The following LOXL2 variants were observed in gnomAD, a reference collection of about 807,000 sequenced individuals.
LOXL2 encodes lysyl oxidase like 2.
In LOXL2, 70 loss-of-function variants were observed where a neutral mutation model predicts 93.0. The ratio of observed to expected loss-of-function variants is 0.75; its 90% CI spans 0.62 to 0.92. LOXL2 has a LOEUF of 0.92. Among genes scored for constraint, LOXL2 ranks in the 40% least tolerant of loss-of-function variants. LOXL2 has a pLI of 0.00. For synonymous variants in LOXL2, 438 were observed against 413.2 expected (o/e 1.06, Z -0.73); for missense variants, 973 against 1,054.9 (o/e 0.92, Z 1.08).
intron 10 of LOXL2, 91 bp downstream of exon 10, chr8:23,309,577 C>T: frequency 7.6e-7 from 1 of 1,312,802 alleles, no homozygotes; most frequent in East Asian, 3.1e-5. Context: ...CCTCTTGGCT[C>T]TAAGTGACCC....
intron 3 of LOXL2, among the ~76,000 whole-genome samples, chr8:23,345,244 G>C (rs1249889090): frequency 6.6e-6 from 1 of 152,210 alleles, no homozygotes; most frequent in Non-Finnish European, 1.5e-5. Flanking sequence ...CGTGCTCCAG[G>C]CTCATAATGA....
chr8:23,374,080 C>T (rs1283569268), intron 1 of LOXL2, among the ~76,000 whole-genome samples: 1 of 150,152 alleles, frequency 6.7e-6, no homozygotes, highest in Non-Finnish European at 1.5e-5. Context: ...GGTATATCTC[C>T]TAATGCTTTC....
intron 1 of LOXL2, 25 bp from the exon 2 acceptor site, chr8:23,368,459 G>T: frequency 1.1e-6 from 1 of 891,068 alleles, no homozygotes; most frequent in Non-Finnish European, 1.8e-6. Flanking sequence ...AGATGCGTTA[G>T]GATGGGAACG....
At position 23,302,185 on chromosome 8, in the gene LOXL2, G is replaced by T. The variant is rs754750347; in HGVS notation, c.1997-22C>A. 4 of 1,612,286 alleles carry T rather than the reference G, an allele frequency of 2.5e-6. No individual in the cohort carries two copies. In the South Asian group the frequency reaches 4.4e-5, roughly 18 times the overall value. ...ATGTCTGCGGGCAGGGTAGAGGAGA[G>T]CTCATCACCAGGGAACCATGGCCCC... On this transcript the variant is annotated intron_variant, in intron 11 of 13. Coordinates refer to ENST00000389131, the MANE Select transcript of LOXL2 (RefSeq NM_002318.3).
intron 1 of LOXL2, among the ~76,000 whole-genome samples, chr8:23,375,086 A>G (rs1449194328): frequency 2.0e-5 from 3 of 152,250 alleles, no homozygotes; most frequent in South Asian, 2.1e-4. Context: ...TAGGTCTAAC[A>G]TTTAAGTCTT....
intron 1 of LOXL2, among the ~76,000 whole-genome samples, chr8:23,401,656 TGTA>T (rs1177130185): frequency 6.6e-6 from 1 of 152,208 alleles, no homozygotes; most frequent in East Asian, 1.9e-4. Flanking sequence ...AAATAAACAA[TGTA>T]GTGTTTTCTG....
intron 6 of LOXL2, 83 bp downstream of exon 6, chr8:23,328,299 G>C: frequency 6.9e-7 from 1 of 1,457,300 alleles, no homozygotes; most frequent in African/African-American, 1.4e-5. Flanking sequence ...GATTTCCCGA[G>C]AGCTCACGGC....
intron 7 of LOXL2, among the ~76,000 whole-genome samples, chr8:23,321,337 G>A (rs1388563190): frequency 6.6e-6 from 1 of 152,324 alleles, no homozygotes; most frequent in African/African-American, 2.4e-5. Context: ...TGACTGTTCT[G>A]GAAGGAATCT....
intron 1 of LOXL2, among the ~76,000 whole-genome samples, chr8:23,383,075 G>A (rs938907386): frequency 9.2e-5 from 14 of 152,068 alleles, no homozygotes; most frequent in African/African-American, 1.4e-4. Context: ...AAACAAACTC[G>A]ACCCTATAAG....
At chr8:23,350,590 G>T (rs551083160) in intron 3 of LOXL2, among the ~76,000 whole-genome samples, 22 of 152,236 alleles carry the variant, frequency 1.4e-4, no homozygotes, top group South Asian at 4.1e-4. Context: ...TAAGCTGCTG[G>T]TAACATTCTT....
chr8:23,334,225 G>A (rs1803752701), intron 4 of LOXL2, among the ~76,000 whole-genome samples: 1 of 152,186 alleles, frequency 6.6e-6, no homozygotes, highest in Admixed American at 6.5e-5. Context: ...TTTTAGTAGA[G>A]ACGGGGTTTC....
At chr8:23,360,000 C>T (rs570946399) in intron 3 of LOXL2, 90 bp downstream of exon 3, 13 of 1,251,860 alleles carry the variant, frequency 1.0e-5, no homozygotes, top group Non-Finnish European at 1.5e-5. Context: ...CCTGCTCACA[C>T]ACACTTCTTG....
intron 4 of LOXL2, among the ~76,000 whole-genome samples, chr8:23,337,902 C>A (rs547723028): frequency 5.9e-5 from 9 of 152,174 alleles, no homozygotes; most frequent in Admixed American, 5.9e-4. Context: ...GCTGCAGAGA[C>A]CTCTGGGGTA....
intron 10 of LOXL2, among the ~76,000 whole-genome samples, chr8:23,305,642 C>A (rs76122729): frequency 0.016 from 2,475 of 152,040 alleles, 67 homozygotes; most frequent in African/African-American, 0.057. Flanking sequence ...GACCCTTGGG[C>A]ATCTAGGAGG....
chr8:23,403,438 A>G (rs1800177357), intron 1 of LOXL2, among the ~76,000 whole-genome samples: 1 of 151,752 alleles, frequency 6.6e-6, no homozygotes, highest in African/African-American at 2.4e-5. Flanking sequence ...TGGACGCTAC[A>G]GCTCCCGGGC....
intron 1 of LOXL2, among the ~76,000 whole-genome samples, chr8:23,373,256 C>T (rs1213546514): frequency 1.3e-5 from 2 of 152,168 alleles, no homozygotes; most frequent in Non-Finnish European, 2.9e-5. Context: ...TGGAGTTCGC[C>T]TACAAGGTAT....
At chr8:23,350,713 G>A (rs959782778) in intron 3 of LOXL2, among the ~76,000 whole-genome samples, 6 of 152,216 alleles carry the variant, frequency 3.9e-5, no homozygotes, top group Non-Finnish European at 8.8e-5. Flanking sequence ...CTGAGGTCAT[G>A]CTGACACCCC....
intron 9 of LOXL2, among the ~76,000 whole-genome samples, chr8:23,314,999 GC>G (rs1803371913): frequency 1.3e-5 from 2 of 152,154 alleles, no homozygotes; most frequent in Non-Finnish European, 2.9e-5. Context: ...CCCCGTGCGA[GC>G]CCCTGGTCAC....
At chr8:23,375,871 A>G (rs1804579171) in intron 1 of LOXL2, among the ~76,000 whole-genome samples, 2 of 152,360 alleles carry the variant, frequency 1.3e-5, no homozygotes, top group East Asian at 3.9e-4. Flanking sequence ...ATATAAAATC[A>G]TGTCACCTGC....
Sources: allele counts gnomAD v4.1 joint callset (sites outside exome capture counted in the v4.1 genomes callset), GRCh38; gene constraint gnomAD v4.1.1; transcripts MANE v1.5; gene names NCBI Gene and HGNC (gene_info 2026-07-23, HGNC 2026-07-21).